The following ASTN2 variants were observed in gnomAD, a reference collection of about 807,000 sequenced individuals.
The protein encoded by ASTN2 is astrotactin-2.
ASTN2 carries 54 observed loss-of-function variants against 139.8 expected under a neutral mutation model. The observed-to-expected ratio is 0.39, with a 90% CI of 0.31 to 0.48. The LOEUF is 0.48. Among genes scored for constraint, ASTN2 ranks in the 20% least tolerant of loss-of-function variants. ASTN2 has a pLI of 0.95. For missense variants in ASTN2, 1,565 were observed against 1,725.1 expected (o/e 0.91, Z 1.64); for synonymous variants, 756 against 719.5 (o/e 1.05, Z -0.81).
At chr9:116,967,792 A>T (rs1394562643) in intron 10 of ASTN2, among the ~76,000 whole-genome samples, 4 of 152,094 alleles carry the variant, frequency 2.6e-5, no homozygotes, top group Non-Finnish European at 4.4e-5. Flanking sequence ...TCATCGAGTG[A>T]CTGGCCCCGA....
chr9:117,018,058 C>A (rs952900202), intron 6 of ASTN2, among the ~76,000 whole-genome samples: 1 of 151,712 alleles, frequency 6.6e-6, no homozygotes. Context: ...TGTCACAATA[C>A]CCTGGGATGA....
At chr9:117,112,344 T>C (rs1038956153) in intron 4 of ASTN2, among the ~76,000 whole-genome samples, 2 of 152,124 alleles carry the variant, frequency 1.3e-5, no homozygotes, top group Admixed American at 6.5e-5. Context: ...AGTAATTTTA[T>C]AGAAGAACAA....
intron 3 of ASTN2, among the ~76,000 whole-genome samples, chr9:117,148,729 T>C (rs1056333025): frequency 6.6e-6 from 1 of 152,212 alleles, no homozygotes; most frequent in African/African-American, 2.4e-5. Context: ...TCTGTGAAGA[T>C]TTTTTATCTA....
At chr9:117,405,924 G>A (rs1314141448) in intron 1 of ASTN2, among the ~76,000 whole-genome samples, 5 of 152,196 alleles carry the variant, frequency 3.3e-5, no homozygotes, top group Non-Finnish European at 7.3e-5. Flanking sequence ...CAGGAGACAG[G>A]AGAAGGTAGC....
intron 11 of ASTN2, among the ~76,000 whole-genome samples, chr9:116,839,857 TTCA>T (rs1564297042): frequency 3.9e-5 from 4 of 101,594 alleles, no homozygotes; most frequent in African/African-American, 1.6e-4. Flanking sequence ...TTTATTTTAT[TTCA>T]TTATTATTAT....
At chr9:116,428,223 A>C (rs1356819520) in intron 22 of ASTN2, among the ~76,000 whole-genome samples, 2 of 152,204 alleles carry the variant, frequency 1.3e-5, no homozygotes, top group Non-Finnish European at 2.9e-5. Context: ...AATAGGAGTT[A>C]GATAAAGAAG....
chr9:116,772,431 C>A (rs1487069098), intron 13 of ASTN2, among the ~76,000 whole-genome samples: 1 of 152,142 alleles, frequency 6.6e-6, no homozygotes, highest in Non-Finnish European at 1.5e-5. Context: ...GCCTCCCCAG[C>A]CATGTGGAAT....
In ASTN2 at chr9:116,696,979, T is replaced by C. The variant is rs372594074; in HGVS notation, c.2806+28792A>G. Among the ~76,000 whole-genome samples the C allele has an allele frequency of 7.2e-5, 11 of 151,908 alleles. No individual in the cohort carries two copies. In the East Asian group the frequency reaches 2.1e-3, roughly 29 times the overall value. ...AAAAAAAAAAAAAGCCTCCACACTT[T>C]TGCTTACATGGTTTTCTTTGCTTAA... On this transcript the variant is annotated intron_variant, in intron 16 of 22. Coordinates refer to ENST00000313400, the MANE Select transcript of ASTN2 (RefSeq NM_001365068.1).
At chr9:117,323,704 A>G (rs1465780475) in intron 1 of ASTN2, among the ~76,000 whole-genome samples, 1 of 151,950 alleles carries the variant, frequency 6.6e-6, no homozygotes, top group Non-Finnish European at 1.5e-5. Flanking sequence ...TCCAGGATTC[A>G]CCCTCCTTCT....
At chr9:116,996,094 G>T (rs1026838332) in intron 7 of ASTN2, among the ~76,000 whole-genome samples, 1 of 151,952 alleles carries the variant, frequency 6.6e-6, no homozygotes, top group African/African-American at 2.4e-5. Context: ...TTGAACTCAA[G>T]TTCACTTGAT....
intron 13 of ASTN2, among the ~76,000 whole-genome samples, chr9:116,782,828 A>G (rs141829457): frequency 7.1e-4 from 108 of 152,312 alleles, no homozygotes; most frequent in African/African-American, 2.5e-3. Flanking sequence ...CAGCTTAGAC[A>G]TTAATTTCAT....
At chr9:116,770,601 G>C (rs1013200462) in intron 13 of ASTN2, among the ~76,000 whole-genome samples, 26 of 152,120 alleles carry the variant, frequency 1.7e-4, no homozygotes, top group African/African-American at 6.3e-4. Context: ...GACATCAGCT[G>C]TCATTTCCTT....
At chr9:116,645,877 A>G (rs1857564256) in intron 17 of ASTN2, among the ~76,000 whole-genome samples, 1 of 152,228 alleles carries the variant, frequency 6.6e-6, no homozygotes, top group Non-Finnish European at 1.5e-5. Context: ...AGGTACCAGC[A>G]AAGTTTTCAA....
intron 17 of ASTN2, among the ~76,000 whole-genome samples, chr9:116,634,602 A>AAAT (rs1444612004): frequency 8.6e-5 from 13 of 150,588 alleles, no homozygotes; most frequent in Admixed American, 6.6e-4. Flanking sequence ...AAAAAAAAAA[A>AAAT]AAAAAAAAAA....
chr9:116,487,542 A>T, intron 19 of ASTN2, 42 bp from the exon 20 acceptor site: 1 of 1,586,830 alleles, frequency 6.3e-7, no homozygotes, highest in Non-Finnish European at 8.6e-7. Flanking sequence ...AGCTCAGGCC[A>T]TAGTGAGGAG....
intron 7 of ASTN2, among the ~76,000 whole-genome samples, chr9:116,984,014 T>C (rs192385341): frequency 1.3e-5 from 2 of 152,370 alleles, no homozygotes; most frequent in Non-Finnish European, 2.9e-5. Context: ...AAGTTTCTGA[T>C]GTACTTTAAA....
intron 2 of ASTN2, among the ~76,000 whole-genome samples, chr9:117,266,319 A>AAC (rs373533480): frequency 6.6e-6 from 1 of 152,048 alleles, no homozygotes; most frequent in Non-Finnish European, 1.5e-5. Flanking sequence ...GAAACTCACA[A>AAC]ACACACACAC....
intron 13 of ASTN2, among the ~76,000 whole-genome samples, chr9:116,744,517 G>A (rs578196724): frequency 3.3e-5 from 5 of 152,240 alleles, no homozygotes; most frequent in African/African-American, 1.2e-4. Flanking sequence ...ATCCAGACAA[G>A]ACATAACCGA....
chr9:117,374,411 C>T (rs74730453), intron 1 of ASTN2, among the ~76,000 whole-genome samples: 55 of 139,836 alleles, frequency 3.9e-4, no homozygotes, highest in African/African-American at 1.5e-3. Context: ...TCGCAGCCCG[C>T]AAACATGAGA....
Sources: allele counts gnomAD v4.1 joint callset (sites outside exome capture counted in the v4.1 genomes callset), GRCh38; gene constraint gnomAD v4.1.1; transcripts MANE v1.5; gene names NCBI Gene and HGNC (gene_info 2026-07-23, HGNC 2026-07-21).